The following KIF22 variants were observed in gnomAD, a reference collection of about 807,000 sequenced individuals.
KIF22 encodes kinesin-like protein KIF22.
KIF22 carries 62 observed loss-of-function variants against 73.0 expected under a neutral mutation model. The observed-to-expected ratio is 0.85, with a 90% CI of 0.69 to 1.05. KIF22 has a LOEUF of 1.05. Among genes scored for constraint, KIF22 ranks in the 50% least tolerant of loss-of-function variants. KIF22 has a pLI of 0.00. For synonymous variants in KIF22, 411 were observed against 340.1 expected (o/e 1.21, Z -2.29); for missense variants, 854 against 870.1 (o/e 0.98, Z 0.23).
At chr16:29,800,705 GC>G (rs1381938888) in intron 8 of KIF22, among the ~76,000 whole-genome samples, 1 of 152,116 alleles carries the variant, frequency 6.6e-6, no homozygotes, top group African/African-American at 2.4e-5. Context: ...GGTGAAAGTT[GC>G]AGTGAGCCAA....
intron 11 of KIF22, chr16:29,804,398 C>G (rs1370447799): frequency 6.6e-6 from 4 of 606,062 alleles, no homozygotes; most frequent in Non-Finnish European, 8.9e-6. Flanking sequence ...TACCCAGAAT[C>G]GAACACCACT....
chr16:29,805,065 G>A, intron 12 of KIF22, 39 bp downstream of exon 12: 1 of 1,611,954 alleles, frequency 6.2e-7, no homozygotes, highest in Non-Finnish European at 8.5e-7. Context: ...GGGGGCGGGG[G>A]AGACCGGGTA....
rs1163386669 is a variant in KIF22, at chr16:29,797,371, A to G, written c.266+283A>G. Among the ~76,000 whole-genome samples the G allele has an allele frequency of 6.6e-6, 1 of 152,146 alleles. No homozygotes were observed. Among genetic ancestry groups the G allele is most frequent in the African/African-American group, 2.4e-5 (1 of 41,420 alleles). On this transcript the variant is annotated intron_variant, in intron 2 of 13. Transcript: ENST00000160827. The surrounding 1 kb of genome is among the most constrained non-coding windows in gnomAD (Gnocchi z 4.1). Reference sequence around the variant, plus strand: ...GAGCCCCAAGTAGAGGCTGGGGGACATATCAGGAGGGTTGGCGGAACACAG... The same window carrying G: ...GAGCCCCAAGTAGAGGCTGGGGGACGTATCAGGAGGGTTGGCGGAACACAG...
At position 29,799,048 on chromosome 16, in the gene KIF22, C is replaced by T. The variant is rs190757548; in HGVS notation, c.623C>T (p.Pro208Leu). 3.9e-5 allele frequency: 63 copies of T among 1,614,164 alleles called. No homozygotes were observed. The highest frequency in any genetic ancestry group is 6.7e-5 in the Admixed American group (4 of 60,026). ...GACTGCCGGGGGAATATCCTGATTC[C>T]GGGTCTCTCCCAGAAGCCCATCAGT... ...REDCRGNILI[P>L]GLSQKPISSF... The change falls in exon 5 of 14, where the codon CCG (proline) becomes CTG (leucine). Residue 208 changes from proline to leucine, a missense_variant. By Grantham distance (98) the Pro-to-Leu change is moderately conservative (BLOSUM62 -3). This residue lies in a region of KIF22 where 245 missense variants were observed against 351.8 expected (regional missense o/e 0.70). Transcript: ENST00000160827.
At chr16:29,793,933 A>G (rs1267529258) in intron 1 of KIF22, among the ~76,000 whole-genome samples, 3 of 152,162 alleles carry the variant, frequency 2.0e-5, no homozygotes, top group African/African-American at 7.2e-5. Flanking sequence ...ATTGAGGCTG[A>G]GTATGCCTAC....
chr16:29,791,034 C>T (rs1180752029), intron 1 of KIF22: 9 of 1,431,138 alleles, frequency 6.3e-6, no homozygotes, highest in Admixed American at 2.8e-5. Context: ...CTGCTCTCCC[C>T]TTGGGTCAGT....
In KIF22 at chr16:29,804,932, G is replaced by T. The variant is rs1395764185; in HGVS notation, c.1796G>T (p.Gly599Val). The T allele has an allele frequency of 6.2e-7, 1 of 1,613,764 alleles. No individual in the cohort carries two copies. Among genetic ancestry groups the T allele is most frequent in the African/African-American group, 1.3e-5 (1 of 75,050 alleles). The change falls in exon 12 of 14, where the codon GGC becomes GTC. Residue 599 changes from glycine to valine, a missense_variant. By Grantham distance (109) the Gly-to-Val change is moderately radical (BLOSUM62 -3). Coordinates refer to ENST00000160827, the MANE Select transcript of KIF22 (RefSeq NM_007317.3). ...AAAATACTGGATCTGCTGAACGAAG[G>T]CTCAGCCCGAGATCTCCGCAGTCTT... ...RQKILDLLNE[G>V]SARDLRSLQR...
At position 29,804,883 on chromosome 16, in the gene KIF22, G is replaced by C; in HGVS notation, c.1747G>C (p.Glu583Gln). The stretch of plus-strand genomic sequence containing the variant: ...CTGCTGGGAGCTACAGATCAGCCCG[G>C]AGCTACTGGCTCATGGGCGCCAAAA... Reference protein sequence around the residue: ...EDCWELQISPELLAHGRQKIL... With the variant: ...EDCWELQISPQLLAHGRQKIL... Residue 583 changes from glutamate (E) to glutamine (Q), a missense_variant, in exon 12 of 14, where the codon GAG becomes CAG. Glu to Gln is a conservative substitution (Grantham distance 29). Coordinates refer to ENST00000160827, the MANE Select transcript of KIF22 (RefSeq NM_007317.3). 2 of 1,613,956 alleles carry C rather than the reference G, an allele frequency of 1.2e-6. No individual in the cohort carries two copies. The highest frequency in any genetic ancestry group is 2.2e-5 in the South Asian group (2 of 91,070).
intron 11 of KIF22, 52 bp downstream of exon 11, chr16:29,804,117 A>G (rs1391300019): frequency 1.1e-5 from 16 of 1,436,358 alleles, no homozygotes. Flanking sequence ...AGTAAGGGGG[A>G]GTAGGCTCTA....
intron 6 of KIF22, 58 bp from the exon 7 acceptor site, chr16:29,799,570 A>G: frequency 6.2e-7 from 1 of 1,612,138 alleles, no homozygotes; most frequent in Non-Finnish European, 8.5e-7. Flanking sequence ...GGGGAATAGC[A>G]GTTGAGGCAT....
intron 11 of KIF22, chr16:29,804,302 C>T: frequency 1.6e-6 from 1 of 607,302 alleles, no homozygotes; most frequent in South Asian, 2.0e-5. Context: ...ACTGTGTAGC[C>T]TGGCTTCTAC....
rs1013060784 is a variant in KIF22 at position 29,799,756 on chromosome 16, T to C, written c.1119T>C (p.Phe373=). ...CCAAGGAGGTGATCAATCGGCCTTTTACCAATGAGAGCCTGCAGCCTCATG... is the reference window on the plus strand; with the variant it reads ...CCAAGGAGGTGATCAATCGGCCTTTCACCAATGAGAGCCTGCAGCCTCATG... The part of the protein sequence containing the change: ...ARSKEVINRP[F]TNESLQPHAL... The change falls in exon 7 of 14, where the codon TTT becomes TTC. Residue 373 remains phenylalanine (F), a synonymous_variant. Coordinates refer to ENST00000160827, the MANE Select transcript of KIF22 (RefSeq NM_007317.3). The C allele has an allele frequency of 6.2e-7, 1 of 1,613,298 alleles. No homozygotes were observed. Among genetic ancestry groups the C allele is most frequent in the Non-Finnish European group, 8.5e-7 (1 of 1,179,654 alleles).
intron 8 of KIF22, chr16:29,800,279 AACCTC>A (rs1171412169): frequency 5.1e-6 from 2 of 393,176 alleles, no homozygotes; most frequent in African/African-American, 4.1e-5. Context: ...AACATGGTGA[AACCTC>A]ATCTCTACTA....
At chr16:29,803,182 C>T (rs1344936966) in intron 9 of KIF22, among the ~76,000 whole-genome samples, 1 of 152,160 alleles carries the variant, frequency 6.6e-6, no homozygotes, top group Non-Finnish European at 1.5e-5. Flanking sequence ...ATTACATTTC[C>T]TAAAGCCCAG....
At chr16:29,791,299 C>T in intron 1 of KIF22, 1 of 960,956 alleles carries the variant, frequency 1.0e-6, no homozygotes, top group Non-Finnish European at 1.2e-6. Context: ...AGAGGACGGG[C>T]TGAGGAACAG....
In KIF22 at chr16:29,803,517, C is replaced by T. The variant is rs1001070698; in HGVS notation, c.1518C>T (p.Asn506=). Residue 506 remains asparagine, a synonymous_variant, in exon 10 of 14, where the codon AAC becomes AAT. Coordinates refer to ENST00000160827, the MANE Select transcript of KIF22 (RefSeq NM_007317.3). ...CCCAGAAGGCTGAGGAAAAGGAGAA[C>T]CATTGTCCCACAATGCTCCGGCCCC... ...MLAQKAEEKE[N]HCPTMLRPLS... is the part of the protein sequence containing the mutation. The T allele has an allele frequency of 1.9e-6, 3 of 1,614,080 alleles. No homozygotes were observed. The highest frequency in any genetic ancestry group is 2.5e-6 in the Non-Finnish European group (3 of 1,180,026).
chr16:29,805,285 C>G lies in KIF22; in HGVS notation c.1973C>G (p.Ala658Gly), dbSNP rs1471528171. Residue 658 changes from alanine to glycine, a missense_variant, in exon 14 of 14, where the codon GCC becomes GGC. Physicochemically the swap from Ala to Gly is moderately conservative, Grantham distance 60. Around this residue, in one of 3 missense-constraint regions of KIF22, gnomAD observed 423 missense variants for 365.4 expected, o/e 1.16. Transcript: ENST00000160827. Reference protein sequence around the residue: ...FLKANILGLAAGQRCGAS With the variant: ...FLKANILGLAGGQRCGAS ...CAGGCAAACATCCTGGGTCTCGCCGCCGGCCAGCGCTGTGGCGCCTCCTGA... is the reference window on the plus strand; with the variant it reads ...CAGGCAAACATCCTGGGTCTCGCCGGCGGCCAGCGCTGTGGCGCCTCCTGA... 14 of 1,613,778 alleles carry G rather than the reference C, an allele frequency of 8.7e-6. No homozygotes were observed. The highest frequency in any genetic ancestry group is 1.0e-5 in the Non-Finnish European group (12 of 1,180,050).
In KIF22 at chr16:29,798,624, G is replaced by A. The variant is rs1259392355; in HGVS notation, c.426G>A (p.Glu142=). 2 of 1,614,158 alleles carry A rather than the reference G, an allele frequency of 1.2e-6. No homozygotes were observed. Among genetic ancestry groups the A allele is most frequent in the Non-Finnish European group, 1.7e-6 (2 of 1,180,026 alleles). ...CGCACACAATGCTGGGCAGCCCAGA[G>A]CAACCTGGGGTGATCCCGCGGGCTC... ...GKTHTMLGSP[E]QPGVIPRALM... The change falls in exon 4 of 14, where the codon GAG becomes GAA. Residue 142 remains glutamate, a synonymous_variant. Coordinates refer to ENST00000160827, the MANE Select transcript of KIF22 (RefSeq NM_007317.3). The surrounding 1 kb of genome is among the most constrained non-coding windows in gnomAD (Gnocchi z 4.1).
At chr16:29,793,448 G>A (rs535356162) in intron 1 of KIF22, among the ~76,000 whole-genome samples, 48 of 152,210 alleles carry the variant, frequency 3.2e-4, no homozygotes, top group African/African-American at 1.0e-3. Context: ...AAAAGGAGCC[G>A]TCAGGGCAGC....
Sources: allele counts gnomAD v4.1 joint callset (sites outside exome capture counted in the v4.1 genomes callset), GRCh38; gene constraint gnomAD v4.1.1; regional missense constraint gnomAD v4.1.1; non-coding constraint Gnocchi (gnomAD v3.1); transcripts MANE v1.5; gene names NCBI Gene and HGNC (gene_info 2026-07-23, HGNC 2026-07-21).